SYT16: variants seen among roughly 807,000 people sequenced by gnomAD.
SYT16 encodes the protein synaptotagmin-16.
In SYT16, 42 loss-of-function variants were observed where a neutral mutation model predicts 61.4. The observed-to-expected ratio is 0.68, with a 90% CI of 0.53 to 0.89. The LOEUF (loss-of-function observed/expected upper bound fraction) is 0.89. SYT16 is among the 40% of genes least tolerant of loss of function. The pLI is 0.00. For missense variants in SYT16, 804 were observed against 807.3 expected, an observed-to-expected ratio of 1.00 and a Z score of 0.05; for synonymous variants, 314 against 302.3, an observed-to-expected ratio of 1.04 and a Z score of -0.40.
At chr14:62,038,755 A>T (rs1054516024) in intron 3 of SYT16, among the ~76,000 whole-genome samples, 4 of 152,216 alleles carry the variant, frequency 2.6e-5, no homozygotes, top group Non-Finnish European at 4.4e-5. Context: ...TGAGAATCAG[A>T]AAGGGCTCAC....
intron 2 of SYT16, among the ~76,000 whole-genome samples, chr14:61,980,023 C>G (rs545431183): frequency 1.3e-5 from 2 of 152,190 alleles, no homozygotes; most frequent in Non-Finnish European, 2.9e-5. Context: ...CTTCTACATT[C>G]CCCAAGCCCT....
At chr14:61,863,364 T>C (rs1321097026) in intron 1 of SYT16, among the ~76,000 whole-genome samples, 1 of 152,240 alleles carries the variant, frequency 6.6e-6, no homozygotes, top group Non-Finnish European at 1.5e-5. Context: ...TGACAACATA[T>C]AATCTGGAAC....
intron 3 of SYT16, among the ~76,000 whole-genome samples, chr14:62,033,539 A>G (rs1301286893): frequency 1.3e-5 from 2 of 152,160 alleles, no homozygotes; most frequent in African/African-American, 4.8e-5. Context: ...CAAGTTCATG[A>G]GCCAATGTGA....
Position 61,864,389 on chromosome 14 carries a change from C to G in SYT16, c.-325+51579C>G, listed in dbSNP as rs1282779454. Among the ~76,000 whole-genome samples, 3 of 152,258 alleles carry G rather than the reference C, an allele frequency of 2.0e-5. No individual in the cohort carries two copies. The East Asian group carries it at 5.8e-4, about 29-fold the overall frequency. On this transcript the variant is annotated intron_variant, in intron 1 of 7. Transcript: ENST00000683842. ...CTGTGTTCCAAGATGAGATTCTGCG[C>G]TCTAGCCGGCAGTTAGTGCTGCCCG...
chr14:61,990,251 T>C (rs1378933548), intron 2 of SYT16, among the ~76,000 whole-genome samples: 1 of 152,200 alleles, frequency 6.6e-6, no homozygotes, highest in Non-Finnish European at 1.5e-5. Flanking sequence ...GGCATGATAA[T>C]TGTCATAAAA....
At chr14:61,919,459 C>T (rs972446273) in intron 1 of SYT16, among the ~76,000 whole-genome samples, 7 of 152,218 alleles carry the variant, frequency 4.6e-5, no homozygotes, top group African/African-American at 1.7e-4. Flanking sequence ...AGCAGAATGG[C>T]ACTTATTTCT....
intron 1 of SYT16, among the ~76,000 whole-genome samples, chr14:61,879,477 T>G (rs2047616980): frequency 6.6e-6 from 1 of 152,184 alleles, no homozygotes; most frequent in Non-Finnish European, 1.5e-5. Context: ...GCTCTAACAT[T>G]GCATGATCTA....
At chr14:61,908,477 C>T (rs217635) in intron 1 of SYT16, among the ~76,000 whole-genome samples, 19,483 of 151,918 alleles carry the variant, frequency 0.13, 1,998 homozygotes, top group African/African-American at 0.28. Context: ...GATTATATCA[C>T]GTCGGGAATA....
At chr14:61,947,311 T>TGTGTGTGTGTGTGTGTGG (rs59986640) in intron 1 of SYT16, among the ~76,000 whole-genome samples, 1 of 146,160 alleles carries the variant, frequency 6.8e-6, no homozygotes, top group Non-Finnish European at 1.5e-5. Flanking sequence ...TGTGTGTGTG[T>TGTGTGTGTGTGTGTGTGG]TTGTGTAAAA....
At chr14:62,047,329 C>A (rs2055038480) in intron 3 of SYT16, among the ~76,000 whole-genome samples, 1 of 152,078 alleles carries the variant, frequency 6.6e-6, no homozygotes, top group Non-Finnish European at 1.5e-5. Flanking sequence ...GATTTTGTAT[C>A]CTGAGACTTT....
intron 1 of SYT16, among the ~76,000 whole-genome samples, chr14:61,851,310 T>C (rs1220451785): frequency 6.6e-6 from 1 of 152,246 alleles, no homozygotes; most frequent in African/African-American, 2.4e-5. Context: ...CAGTCTATCA[T>C]TGATGGGCAT....
chr14:61,955,615 C>T (rs1030057821), intron 1 of SYT16, among the ~76,000 whole-genome samples: 4 of 151,878 alleles, frequency 2.6e-5, no homozygotes, highest in African/African-American at 9.7e-5. Flanking sequence ...TCACAAATGG[C>T]AGGATTTCTT....
chr14:62,084,080 A>G (rs1250961778), intron 6 of SYT16, 116 bp from the exon 7 acceptor site: 1 of 1,282,182 alleles, frequency 7.8e-7, no homozygotes, highest in Non-Finnish European at 1.1e-6. Flanking sequence ...GCCCTTAGTC[A>G]TCTTTGGCAG....
chr14:61,861,759 C>T (rs2046971707), intron 1 of SYT16, among the ~76,000 whole-genome samples: 2 of 152,112 alleles, frequency 1.3e-5, no homozygotes, highest in South Asian at 4.1e-4. Context: ...GATTCAGTTC[C>T]AGCCTATTGC....
At chr14:62,036,179 T>C (rs1304587123) in intron 3 of SYT16, among the ~76,000 whole-genome samples, 4 of 152,036 alleles carry the variant, frequency 2.6e-5, no homozygotes, top group East Asian at 1.9e-4. Context: ...AGGTGGAGAA[T>C]AGATCTCAAA....
At chr14:61,836,957 G>T (rs1211300844) in intron 1 of SYT16, among the ~76,000 whole-genome samples, 1 of 152,112 alleles carries the variant, frequency 6.6e-6, no homozygotes, top group East Asian at 1.9e-4. Context: ...TACCTCCCCT[G>T]CAGACAGTAC....
intron 1 of SYT16, among the ~76,000 whole-genome samples, chr14:61,906,867 C>T (rs2048744937): frequency 6.6e-6 from 1 of 151,958 alleles, no homozygotes; most frequent in South Asian, 2.1e-4. Flanking sequence ...GTGCCAGGAG[C>T]TCCACAAGGC....
chr14:62,000,681 C>T (rs920151486), intron 3 of SYT16, among the ~76,000 whole-genome samples: 3 of 151,630 alleles, frequency 2.0e-5, no homozygotes, highest in South Asian at 2.1e-4. Context: ...ATTATATATC[C>T]ACTCTGGGCT....
intron 2 of SYT16, among the ~76,000 whole-genome samples, chr14:61,977,548 C>T (rs1006313623): frequency 6.6e-6 from 1 of 152,134 alleles, no homozygotes; most frequent in African/African-American, 2.4e-5. Context: ...TACTCACTCA[C>T]TATCATGAGA....
Sources: allele counts gnomAD v4.1 joint callset (sites outside exome capture counted in the v4.1 genomes callset), GRCh38; gene constraint gnomAD v4.1.1; transcripts MANE v1.5; gene names NCBI Gene and HGNC (gene_info 2026-07-23, HGNC 2026-07-21).